The following LDLRAD3 variants were observed in gnomAD, a reference collection of about 807,000 sequenced individuals.
The protein encoded by LDLRAD3 is low-density lipoprotein receptor class A domain-containing protein 3.
A neutral mutation model predicts 29.4 loss-of-function variants in LDLRAD3; 20 were observed. That is an observed-to-expected ratio of 0.68 (90% confidence interval 0.48 to 0.99). The LOEUF (loss-of-function observed/expected upper bound fraction) is 0.99. LDLRAD3 is among the 50% of genes least tolerant of loss of function. The pLI, the probability that LDLRAD3 is intolerant of heterozygous loss-of-function variation, is 0.00. For synonymous variants in LDLRAD3, 157 were observed against 192.7 expected, an observed-to-expected ratio of 0.81 and a Z score of 1.53; for missense variants, 420 against 454.3, an observed-to-expected ratio of 0.92 and a Z score of 0.69.
intron 4 of LDLRAD3, among the ~76,000 whole-genome samples, chr11:36,173,726 G>A (rs894182347): frequency 4.6e-5 from 7 of 152,052 alleles, no homozygotes; most frequent in African/African-American, 1.7e-4. Flanking sequence ...TGGGTCAAAT[G>A]GTATTTCTGG....
intron 1 of LDLRAD3, among the ~76,000 whole-genome samples, chr11:35,998,833 A>G (rs1174622419): frequency 6.6e-6 from 1 of 152,180 alleles, no homozygotes; most frequent in Non-Finnish European, 1.5e-5. Flanking sequence ...AATTTAACTG[A>G]CACTTAGCGT....
At chr11:36,077,135 A>T (rs769775064) in intron 2 of LDLRAD3, among the ~76,000 whole-genome samples, 1 of 152,168 alleles carries the variant, frequency 6.6e-6, no homozygotes, top group Non-Finnish European at 1.5e-5. Flanking sequence ...ACTCGGAGAA[A>T]TGTGTAACCT....
At chr11:36,060,359 A>G (rs1852680653) in intron 2 of LDLRAD3, among the ~76,000 whole-genome samples, 1 of 151,726 alleles carries the variant, frequency 6.6e-6, no homozygotes, top group Non-Finnish European at 1.5e-5. Context: ...GTCTCAAAAA[A>G]AAAAAAAAAA....
At chr11:35,998,947 G>A (rs1312173102) in intron 1 of LDLRAD3, among the ~76,000 whole-genome samples, 1 of 152,184 alleles carries the variant, frequency 6.6e-6, no homozygotes, top group Non-Finnish European at 1.5e-5. Context: ...ATTTGTTCAT[G>A]TAAGCCCACA....
At chr11:36,220,092 A>T (rs1855407994) in intron 4 of LDLRAD3, among the ~76,000 whole-genome samples, 4 of 152,216 alleles carry the variant, frequency 2.6e-5, no homozygotes, top group Admixed American at 2.6e-4. Flanking sequence ...GTCATTAGGA[A>T]ATGCTAATTA....
At chr11:36,172,065 T>G (rs538711599) in intron 4 of LDLRAD3, among the ~76,000 whole-genome samples, 1 of 152,172 alleles carries the variant, frequency 6.6e-6, no homozygotes, top group East Asian at 2.0e-4. Flanking sequence ...AAGGTGTTTT[T>G]TTGTTTGTTT....
At chr11:36,069,110 G>A (rs1852849693) in intron 2 of LDLRAD3, among the ~76,000 whole-genome samples, 1 of 152,230 alleles carries the variant, frequency 6.6e-6, no homozygotes, top group African/African-American at 2.4e-5. Flanking sequence ...TACTCCAGTA[G>A]TCATGTGGAG....
At chr11:36,141,397 G>A (rs190151050) in intron 4 of LDLRAD3, among the ~76,000 whole-genome samples, 198 of 152,266 alleles carry the variant, frequency 1.3e-3, no homozygotes, top group African/African-American at 4.7e-3. Flanking sequence ...AGCAGGGATC[G>A]AATTTTTATG....
rs1855567993 is a variant in LDLRAD3, at chr11:36,230,978, C to T, written c.*1581C>T. On this transcript the variant is annotated 3_prime_UTR_variant, in exon 6 of 6. Transcript: ENST00000315571. The stretch of plus-strand genomic sequence containing the variant: ...TTTCTTTTTTTTCTCTGTGTCCAGT[C>T]AGCCACAGGGCCCGCCTCCCTGCAG... The T allele has an allele frequency of 1.3e-5, 2 of 152,462 alleles. No homozygotes were observed. The highest frequency in any genetic ancestry group is 6.5e-5 in the Admixed American group (1 of 15,282). 9.4% of individuals were successfully genotyped at this position (152,462 alleles called of 1,614,324 possible).
intron 4 of LDLRAD3, among the ~76,000 whole-genome samples, chr11:36,201,986 C>G (rs1164607832): frequency 6.6e-6 from 1 of 151,500 alleles, no homozygotes; most frequent in East Asian, 1.9e-4. Context: ...GCAAATGCCA[C>G]TTTGTTTCAT....
At chr11:36,038,344 G>A (rs1236598838) in intron 2 of LDLRAD3, among the ~76,000 whole-genome samples, 1 of 152,140 alleles carries the variant, frequency 6.6e-6, no homozygotes, top group African/African-American at 2.4e-5. Context: ...CATCTGTCTG[G>A]TTTTGAGGAT....
chr11:36,090,083 A>G (rs1431550981), intron 3 of LDLRAD3, among the ~76,000 whole-genome samples: 1 of 152,224 alleles, frequency 6.6e-6, no homozygotes, highest in African/African-American at 2.4e-5. Flanking sequence ...TTCCAACATC[A>G]TATAGCTAGT....
At chr11:35,948,451 T>C (rs974521535) in intron 1 of LDLRAD3, among the ~76,000 whole-genome samples, 1 of 152,102 alleles carries the variant, frequency 6.6e-6, no homozygotes, top group South Asian at 2.1e-4. Context: ...TGTGTGTGTG[T>C]GTGTGTGTGT....
intron 2 of LDLRAD3, among the ~76,000 whole-genome samples, chr11:36,042,787 T>C (rs1315040045): frequency 1.3e-5 from 2 of 152,096 alleles, no homozygotes; most frequent in Admixed American, 6.5e-5. Flanking sequence ...TGTGAAGACT[T>C]GGAGCAAGAA....
intron 1 of LDLRAD3, among the ~76,000 whole-genome samples, chr11:35,990,193 C>T (rs1590709664): frequency 1.3e-5 from 2 of 152,088 alleles, no homozygotes; most frequent in East Asian, 1.9e-4. Context: ...ATGTTAGTTC[C>T]CTAAGGCTGT....
intron 1 of LDLRAD3, among the ~76,000 whole-genome samples, chr11:35,982,633 C>A (rs1485585192): frequency 6.6e-6 from 1 of 152,086 alleles, no homozygotes; most frequent in Non-Finnish European, 1.5e-5. Flanking sequence ...TTTAAAAATC[C>A]ACTCAAGGGC....
chr11:36,094,478 G>A (rs955634741), intron 3 of LDLRAD3, among the ~76,000 whole-genome samples: 1 of 152,202 alleles, frequency 6.6e-6, no homozygotes, highest in Non-Finnish European at 1.5e-5. Context: ...GCCAGCCCTG[G>A]CATTGTAACA....
intron 4 of LDLRAD3, among the ~76,000 whole-genome samples, chr11:36,101,696 A>G (rs1185826053): frequency 3.9e-5 from 6 of 152,066 alleles, no homozygotes; most frequent in Non-Finnish European, 7.4e-5. Context: ...GTTTTCTTGC[A>G]TCATGTAACC....
At chr11:36,071,127 G>A (rs997734097) in intron 2 of LDLRAD3, among the ~76,000 whole-genome samples, 1 of 152,168 alleles carries the variant, frequency 6.6e-6, no homozygotes, top group East Asian at 1.9e-4. Context: ...AATGAAAAGA[G>A]ACAGAGATGG....
Sources: allele counts gnomAD v4.1 joint callset (sites outside exome capture counted in the v4.1 genomes callset), GRCh38; gene constraint gnomAD v4.1.1; transcripts MANE v1.5; gene names NCBI Gene and HGNC (gene_info 2026-07-23, HGNC 2026-07-21).